The following MYO18B variants were observed in gnomAD, a reference collection of about 807,000 sequenced individuals.
MYO18B encodes unconventional myosin-XVIIIb.
A neutral mutation model predicts 273.0 loss-of-function variants in MYO18B; 204 were observed. The ratio of observed to expected loss-of-function variants is 0.75; its 90% CI spans 0.67 to 0.84. The LOEUF (loss-of-function observed/expected upper bound fraction) is 0.84, where lower values mean the gene tolerates loss of function less well. Among genes scored for constraint, MYO18B ranks in the 40% least tolerant of loss-of-function variants. The pLI is 0.00. For missense variants in MYO18B, 3,212 were observed against 3,287.6 expected, an observed-to-expected ratio of 0.98 and a Z score of 0.56; for synonymous variants, 1,330 against 1,305.7, an observed-to-expected ratio of 1.02 and a Z score of -0.40.
the MYO18B span, among the ~76,000 whole-genome samples, chr22:26,039,477 T>C: frequency 6.6e-6 from 1 of 152,172 alleles, no homozygotes; most frequent in African/African-American, 2.4e-5. Context: ...CTTACACTAG[T>C]CTCACCTGCC....
intron 1 of MYO18B, among the ~76,000 whole-genome samples, chr22:25,753,315 G>A (rs1395114179): frequency 6.6e-6 from 1 of 152,208 alleles, no homozygotes; most frequent in East Asian, 1.9e-4. Context: ...TCAGCAGTCT[G>A]GCACTCTGTG....
At chr22:25,832,808 A>T in intron 15 of MYO18B, 109 bp from the exon 16 acceptor site, 2 of 906,794 alleles carry the variant, frequency 2.2e-6, no homozygotes, top group East Asian at 2.6e-5. Context: ...CGATTTTTTT[A>T]AAGGGCCAAG....
intron 11 of MYO18B, among the ~76,000 whole-genome samples, chr22:25,792,775 G>GCCACTGCACCCAGCCA (rs1227635517): frequency 6.6e-6 from 1 of 152,174 alleles, no homozygotes; most frequent in Non-Finnish European, 1.5e-5. Context: ...ACAGGCGTGA[G>GCCACTGCACCCAGCCA]ATGCATTGAA....
chr22:25,933,015 T>G lies in MYO18B; in HGVS notation c.5517+11606T>G, dbSNP rs147897769. Among the ~76,000 whole-genome samples the G allele has an allele frequency of 8.0e-3, 1,221 of 152,242 alleles. 18 individuals are homozygous for G. Among genetic ancestry groups the G allele is most frequent in the African/African-American group, 0.028 (1,159 of 41,538 alleles). ...CGTTATAGCAATTTATCTCCCAATTTAGGATCCAACTTGGAAAGTAAAACT... is the reference window on the plus strand; with the variant it reads ...CGTTATAGCAATTTATCTCCCAATTGAGGATCCAACTTGGAAAGTAAAACT... On this transcript the variant is annotated intron_variant, in intron 34 of 43. Coordinates refer to ENST00000335473, the MANE Select transcript of MYO18B (RefSeq NM_032608.7).
In MYO18B at chr22:25,878,018, C is replaced by T; in HGVS notation, c.4284C>T (p.Leu1428=). ...AATCAGAGAAGTTGCGGAATGAACT[C>T]CGGCAGAACACAGATCTGCTAGAAA... ...LEKSEKLRNE[L]RQNTDLLESK... The change falls in exon 25 of 44, where the codon CTC becomes CTT. Residue 1428 remains leucine (L), a synonymous_variant. Coordinates refer to ENST00000335473, the MANE Select transcript of MYO18B (RefSeq NM_032608.7). 1 of 1,584,380 alleles carries T rather than the reference C, an allele frequency of 6.3e-7. No individual in the cohort carries two copies. Among genetic ancestry groups the T allele is most frequent in the African/African-American group, 1.3e-5 (1 of 74,422 alleles).
chr22:25,842,447 C>G (rs1353811996), intron 17 of MYO18B, among the ~76,000 whole-genome samples: 2 of 151,944 alleles, frequency 1.3e-5, no homozygotes, highest in Non-Finnish European at 2.9e-5. Flanking sequence ...CCAAGGCAGG[C>G]AGATCACTTG....
At chr22:25,817,075 TTC>T (rs748736851) in intron 12 of MYO18B, among the ~76,000 whole-genome samples, 1 of 152,172 alleles carries the variant, frequency 6.6e-6, no homozygotes, top group Non-Finnish European at 1.5e-5. Context: ...GCTATGTTAT[TTC>T]TCTCTCTCGC....
At chr22:26,024,059 G>A (rs1290545362) in intron 42 of MYO18B, among the ~76,000 whole-genome samples, 1 of 152,168 alleles carries the variant, frequency 6.6e-6, no homozygotes, top group Non-Finnish European at 1.5e-5. Context: ...TCTTCTTACG[G>A]TGAGACAGAA....
chr22:26,024,387 T>G (rs1936081056), intron 42 of MYO18B, among the ~76,000 whole-genome samples: 1 of 152,142 alleles, frequency 6.6e-6, no homozygotes, highest in Non-Finnish European at 1.5e-5. Flanking sequence ...GAACCACTCC[T>G]GCAAGACCCA....
chr22:25,985,568 C>G (rs2093192984), intron 39 of MYO18B, among the ~76,000 whole-genome samples: 1 of 152,146 alleles, frequency 6.6e-6, no homozygotes, highest in South Asian at 2.1e-4. Context: ...CCTGCTGATG[C>G]TCACTCCATT....
At chr22:25,911,511 G>T (rs1269265355) in intron 33 of MYO18B, among the ~76,000 whole-genome samples, 3 of 152,204 alleles carry the variant, frequency 2.0e-5, no homozygotes, top group Non-Finnish European at 4.4e-5. Context: ...CTGGAGAGTG[G>T]AGCCTTATGG....
At chr22:25,772,206 G>C (rs1185521017) in intron 6 of MYO18B, 128 bp from the exon 7 acceptor site, 4 of 795,722 alleles carry the variant, frequency 5.0e-6, no homozygotes, top group South Asian at 3.6e-5. Flanking sequence ...CCTGTGCTCT[G>C]TTCTGGTCTT....
Position 25,990,686 on chromosome 22 carries a change from CAAAAAAAAAAA to C in MYO18B, c.6157-1653_6157-1643del, listed in dbSNP as rs745998234. Among the ~76,000 whole-genome samples the C allele has an allele frequency of 4.8e-4, 13 of 27,028 alleles. No homozygotes were observed. In the East Asian group the frequency reaches 0.014, roughly 30 times the overall value. The allele number at this position is 27,028 out of a possible 152,430, so 17.7% of individuals were successfully genotyped here. On this transcript the variant is annotated intron_variant, in intron 39 of 43. Transcript: ENST00000335473. ...TGTGCAACAGAGCAAGACTTTGTCTCAAAAAAAAAAAAAAAAAAAAAAAAAAAAAAAAAAGA... is the reference window on the plus strand; with the variant it reads ...TGTGCAACAGAGCAAGACTTTGTCTCAAAAAAAAAAAAAAAAAAAAAAAGA...
intron 40 of MYO18B, among the ~76,000 whole-genome samples, chr22:25,997,502 C>T (rs1006681739): frequency 1.3e-5 from 2 of 152,072 alleles, no homozygotes. Context: ...TAATTCTCAG[C>T]AGGCCTTGAT....
intron 39 of MYO18B, among the ~76,000 whole-genome samples, chr22:25,988,169 G>A (rs936435574): frequency 1.3e-4 from 19 of 151,796 alleles, no homozygotes; most frequent in African/African-American, 3.6e-4. Flanking sequence ...CATCCCTTCC[G>A]TGTCTCCGGA....
chr22:25,998,791 C>T (rs914691456), intron 40 of MYO18B, among the ~76,000 whole-genome samples: 7 of 152,100 alleles, frequency 4.6e-5, no homozygotes, highest in Non-Finnish European at 1.0e-4. Flanking sequence ...CCAGGGAGAA[C>T]AGCTTAAAGC....
chr22:25,860,014 G>A (rs1024642695), intron 21 of MYO18B, among the ~76,000 whole-genome samples: 10 of 152,134 alleles, frequency 6.6e-5, no homozygotes, highest in African/African-American at 1.9e-4. Context: ...TTTGTGTATG[G>A]TGTAACATAC....
chr22:25,877,497 C>T (rs954372986), intron 24 of MYO18B, among the ~76,000 whole-genome samples: 5 of 152,226 alleles, frequency 3.3e-5, no homozygotes, highest in Middle Eastern at 3.4e-3. Context: ...GATGGAGTCT[C>T]GCTCTTGTTG....
At chr22:25,822,419 T>A (rs2035797177) in intron 12 of MYO18B, among the ~76,000 whole-genome samples, 1 of 152,216 alleles carries the variant, frequency 6.6e-6, no homozygotes, top group Non-Finnish European at 1.5e-5. Flanking sequence ...TTTATAATTT[T>A]ATGGCTGGAA....
Sources: allele counts gnomAD v4.1 joint callset (sites outside exome capture counted in the v4.1 genomes callset), GRCh38; gene constraint gnomAD v4.1.1; transcripts MANE v1.5; gene names NCBI Gene and HGNC (gene_info 2026-07-23, HGNC 2026-07-21).